The following UGT2B17 variants were observed in gnomAD, a reference collection of about 807,000 sequenced individuals.
UGT2B17 encodes the protein UDP glucuronosyltransferase family 2 member B17.
UGT2B17 carries 21 observed loss-of-function variants against 48.2 expected under a neutral mutation model. That is an observed-to-expected ratio of 0.44 (90% CI 0.31 to 0.63). UGT2B17 has a LOEUF of 0.63. Among genes scored for constraint, UGT2B17 ranks in the 20% least tolerant of loss-of-function variants. UGT2B17 has a pLI of 0.08. For synonymous variants in UGT2B17, 146 were observed against 238.4 expected, an observed-to-expected ratio of 0.61 and a Z score of 3.57; for missense variants, 402 against 696.1, an observed-to-expected ratio of 0.58 and a Z score of 4.75.
chr4:68,542,617 A>G (rs148554395), intron 6 of UGT2B17, among the ~76,000 whole-genome samples: 2 of 126,390 alleles, frequency 1.6e-5, no homozygotes, highest in African/African-American at 2.7e-5. Context: ...GCAGCGCACC[A>G]CGTGTGAGCC....
chr4:68,541,702 G>T lies in UGT2B17; in HGVS notation c.1314-3798C>A, dbSNP rs1205262482. Among the ~76,000 whole-genome samples the T allele has an allele frequency of 1.6e-5, 2 of 126,396 alleles. 1 individual carries two copies. The highest frequency in any genetic ancestry group is 3.4e-5 in the Non-Finnish European group (2 of 59,668). The allele number at this position is 126,396 out of a possible 152,430, so 82.9% of individuals were successfully genotyped here. On this transcript the variant is annotated intron_variant, in intron 6 of 6. Coordinates refer to ENST00000317746, the MANE Select transcript of UGT2B17 (RefSeq NM_001077.4). ...TATTGTAATTGCTTTTGGTGTTTGT[G>T]TCATGAAATTTTTGCCCACGCCTAT...
chr4:68,543,479 TG>T (rs1730724929), intron 6 of UGT2B17, among the ~76,000 whole-genome samples: 1 of 122,872 alleles, frequency 8.1e-6, no homozygotes, highest in South Asian at 3.9e-4. Context: ...ACCACAAAGA[TG>T]GGGGAAAAAA....
rs1349181343 is a variant in UGT2B17, at chr4:68,547,342, T to C, written c.1313+3335A>G. ...AATGGGGAAAGGATTCCCTATTTAA[T>C]AAATGGTGCTAGGAAAACTGGCTAG... is the stretch of plus-strand genomic sequence containing the variant. On this transcript the variant is annotated intron_variant, in intron 6 of 6. Coordinates refer to ENST00000317746, the MANE Select transcript of UGT2B17 (RefSeq NM_001077.4). Among the ~76,000 whole-genome samples the C allele has an allele frequency of 3.2e-5, 4 of 126,682 alleles. 1 individual carries two copies. The highest frequency in any genetic ancestry group is 2.4e-4 in the Admixed American group (3 of 12,384). The allele number at this position is 126,682 out of a possible 152,430, so 83.1% of individuals were successfully genotyped here. A position where few individuals can be genotyped will look rare whatever the true frequency, so the allele number is the denominator to read the frequency against.
intron 3 of UGT2B17, among the ~76,000 whole-genome samples, chr4:68,564,296 T>TATATATATA (rs1226939611): frequency 1.6e-4 from 15 of 93,810 alleles, no homozygotes; most frequent in African/African-American, 8.7e-4. Flanking sequence ...ATATATATAT[T>TATATATATA]TTTTTTTTTT....
intron 6 of UGT2B17, among the ~76,000 whole-genome samples, chr4:68,544,479 A>G (rs1730753975): frequency 7.9e-6 from 1 of 126,562 alleles, no homozygotes; most frequent in African/African-American, 2.7e-5. Flanking sequence ...GGTACCAGCC[A>G]CTGCAAAAAC....
In UGT2B17 at chr4:68,547,203, C is replaced by T. The variant is rs1380564164; in HGVS notation, c.1313+3474G>A. 7.4e-5 allele frequency among the ~76,000 whole-genome samples: 9 copies of T among 121,778 alleles called. 3 individuals carry two copies. The highest frequency in any genetic ancestry group is 1.4e-4 in the Non-Finnish European group (8 of 57,910). 79.9% of individuals were successfully genotyped at this position (121,778 alleles called of 152,430 possible). ...TACAAGGCTACAGTAACCAAAACAG[C>T]ATGGTACTGGTACCAAAACAGAGAT... is the stretch of plus-strand genomic sequence containing the variant. On this transcript the variant is annotated intron_variant, in intron 6 of 6. Coordinates refer to ENST00000317746, the MANE Select transcript of UGT2B17 (RefSeq NM_001077.4).
At position 68,546,957 on chromosome 4, in the gene UGT2B17, C is replaced by T. The variant is rs1297253092; in HGVS notation, c.1313+3720G>A. Among the ~76,000 whole-genome samples, 4 of 125,778 alleles carry T rather than the reference C, an allele frequency of 3.2e-5. 1 individual carries two copies. The highest frequency in any genetic ancestry group is 8.1e-5 in the African/African-American group (3 of 36,828). The allele number at this position is 125,778 out of a possible 152,430, so 82.5% of individuals were successfully genotyped here. A position where few individuals can be genotyped will look rare whatever the true frequency, so the allele number is the denominator to read the frequency against. On this transcript the variant is annotated intron_variant, in intron 6 of 6. Coordinates refer to ENST00000317746, the MANE Select transcript of UGT2B17 (RefSeq NM_001077.4). ...CAAACCAATGGAAGAACGTTCCATG[C>T]TCATGGGTAGGAAGAATCAATATCG... is the stretch of plus-strand genomic sequence containing the variant.
At chr4:68,575,608 C>T (rs1480288464) in intron 1 of UGT2B17, among the ~76,000 whole-genome samples, 5 of 125,634 alleles carry the variant, frequency 4.0e-5, no homozygotes, top group Admixed American at 8.2e-5. Context: ...AAACAAAGAA[C>T]GGGTAAAAGG....
At position 68,544,423 on chromosome 4, in the gene UGT2B17, C is replaced by T. The variant is rs1730752590; in HGVS notation, c.1313+6254G>A. ...AGATTTTGTCACCACCAGGCCTGCC[C>T]TAAAAGAGCTCCTGAAGGAAGCACT... On this transcript the variant is annotated intron_variant, in intron 6 of 6. Coordinates refer to ENST00000317746, the MANE Select transcript of UGT2B17 (RefSeq NM_001077.4). Among the ~76,000 whole-genome samples, 2 of 125,462 alleles carry T rather than the reference C, an allele frequency of 1.6e-5. 1 individual carries two copies. The highest frequency in any genetic ancestry group is 3.4e-5 in the Non-Finnish European group (2 of 59,386). The allele number at this position is 125,462 out of a possible 152,430, so 82.3% of individuals were successfully genotyped here.
At chr4:68,571,369 T>G (rs1168913077) in intron 1 of UGT2B17, among the ~76,000 whole-genome samples, 1 of 125,634 alleles carries the variant, frequency 8.0e-6, no homozygotes, top group Non-Finnish European at 1.7e-5. Context: ...GCATAAGCTT[T>G]GTGTCCACAT....
chr4:68,574,864 T>G lies in UGT2B17; in HGVS notation c.-65+1087A>C, dbSNP rs1731346161. On this transcript the variant is annotated intron_variant, in intron 1 of 6. Transcript: ENST00000317746. ...TTTCTGACTTATTACAAACATTTTT[T>G]TCTTCTCTTTAAACAACAAGTTAAT... Among the ~76,000 whole-genome samples, 2 of 125,484 alleles carry G rather than the reference T, an allele frequency of 1.6e-5. 1 individual carries two copies. The highest frequency in any genetic ancestry group is 5.4e-5 in the African/African-American group (2 of 36,750). The allele number at this position is 125,484 out of a possible 152,430, so 82.3% of individuals were successfully genotyped here. A position where few individuals can be genotyped will look rare whatever the true frequency, so the allele number is the denominator to read the frequency against.
At position 68,551,921 on chromosome 4, in the gene UGT2B17, C is replaced by G. The variant is rs781378833; in HGVS notation, c.1006-10G>C. On this transcript the variant is annotated splice_polypyrimidine_tract_variant and intron_variant, in intron 4 of 6. Coordinates refer to ENST00000317746, the MANE Select transcript of UGT2B17 (RefSeq NM_001077.4). ...CAAATCTCCATAGAACCTGTTAGGG[C>G]AAGGAAAATATCTTGTTCAATGAAT... 1.5e-6 allele frequency: 2 copies of G among 1,312,408 alleles called. 1 individual carries two copies. The highest frequency in any genetic ancestry group is 3.0e-5 in the African/African-American group (2 of 66,152). The allele number at this position is 1,312,408 out of a possible 1,614,324, so 81.3% of individuals were successfully genotyped here. A position where few individuals can be genotyped will look rare whatever the true frequency, so the allele number is the denominator to read the frequency against.
intron 6 of UGT2B17, among the ~76,000 whole-genome samples, chr4:68,544,238 C>T (rs1170616866): frequency 1.6e-5 from 2 of 126,614 alleles, no homozygotes; most frequent in Non-Finnish European, 3.3e-5. Context: ...GATCTCTTGG[C>T]AGAAACTCTA....
intron 3 of UGT2B17, among the ~76,000 whole-genome samples, chr4:68,563,891 G>T (rs1423682921): frequency 8.0e-6 from 1 of 125,734 alleles, no homozygotes; most frequent in African/African-American, 2.7e-5. Context: ...ATTATTAAAT[G>T]AAGACTGATA....
At chr4:68,564,016 A>C (rs955590638) in intron 3 of UGT2B17, among the ~76,000 whole-genome samples, 1 of 124,668 alleles carries the variant, frequency 8.0e-6, no homozygotes, top group African/African-American at 2.7e-5. Context: ...GAGACAACTT[A>C]AGTGTTTTAT....
At chr4:68,548,359 G>C (rs1730857333) in intron 6 of UGT2B17, among the ~76,000 whole-genome samples, 1 of 125,062 alleles carries the variant, frequency 8.0e-6, no homozygotes, top group Non-Finnish European at 1.7e-5. Flanking sequence ...CTCACTCATA[G>C]GTGGGAATTG....
rs1227376970 is a variant in UGT2B17, at chr4:68,548,438, G to A, written c.1313+2239C>T. Among the ~76,000 whole-genome samples, 2 of 124,770 alleles carry A rather than the reference G, an allele frequency of 1.6e-5. 1 individual carries two copies. Among genetic ancestry groups the A allele is most frequent in the Admixed American group, 1.7e-4 (2 of 11,976 alleles). The allele number at this position is 124,770 out of a possible 152,430, so 81.9% of individuals were successfully genotyped here. Reference sequence around the variant, plus strand: ...CGGGGCCTGCTTGGGGGTAGCGGGAGTGGGGAGGGATAGCATTAGGAGATA... The same window carrying A: ...CGGGGCCTGCTTGGGGGTAGCGGGAATGGGGAGGGATAGCATTAGGAGATA... On this transcript the variant is annotated intron_variant, in intron 6 of 6. Coordinates refer to ENST00000317746, the MANE Select transcript of UGT2B17 (RefSeq NM_001077.4).
At position 68,547,527 on chromosome 4, in the gene UGT2B17, T is replaced by A. The variant is rs1292291189; in HGVS notation, c.1313+3150A>T. On this transcript the variant is annotated intron_variant, in intron 6 of 6. Coordinates refer to ENST00000317746, the MANE Select transcript of UGT2B17 (RefSeq NM_001077.4). ...GACATAGGCATGGGCAAGGACTTCA[T>A]GACTAAAACACCAAAAGCAATGGCA... Among the ~76,000 whole-genome samples the A allele has an allele frequency of 2.4e-5, 3 of 124,034 alleles. 1 individual carries two copies. Among genetic ancestry groups the A allele is most frequent in the African/African-American group, 8.3e-5 (3 of 36,334 alleles). The allele number at this position is 124,034 out of a possible 152,430, so 81.4% of individuals were successfully genotyped here.
rs1262684381 is a variant in UGT2B17, at chr4:68,552,854, T to C, written c.1006-943A>G. Among the ~76,000 whole-genome samples, 12 of 125,640 alleles carry C rather than the reference T, an allele frequency of 9.6e-5. 2 individuals are homozygous for C. Among genetic ancestry groups the C allele is most frequent in the African/African-American group, 3.3e-4 (12 of 36,778 alleles). 82.4% of individuals were successfully genotyped at this position (125,640 alleles called of 152,430 possible). ...TTTTTTTTTGTTTTTTATTTTTTTT[T>C]GGAGTTTTACTTGCTTCCTACAAGA... On this transcript the variant is annotated intron_variant, in intron 4 of 6. Transcript: ENST00000317746.
Sources: gnomAD v4.1 joint callset for allele counts (sites outside exome capture counted in the v4.1 genomes callset) on GRCh38, gnomAD v4.1.1 for gene constraint, MANE v1.5 for transcripts, NCBI Gene and HGNC (gene_info 2026-07-23, HGNC 2026-07-21) for gene names.